Variants in PCDHA7 observed in about 807,000 individuals in gnomAD.
The protein encoded by PCDHA7 is protocadherin alpha-7.
Under a neutral mutation model 57.2 loss-of-function variants are expected in PCDHA7, and 37 were observed. The ratio of observed to expected loss-of-function variants is 0.65; its 90% CI spans 0.50 to 0.85. PCDHA7 has a LOEUF of 0.85. Ranked by LOEUF, PCDHA7 falls within the 40% of genes least tolerant of loss-of-function variation. The pLI is 0.00. For missense variants in PCDHA7, 1,188 were observed against 1,241.8 expected (o/e 0.96, Z 0.65); for synonymous variants, 553 against 558.8 (o/e 0.99, Z 0.15).
At chr5:140,849,920 C>A in intron 1 of PCDHA7, 1 of 1,598,384 alleles carries the variant, frequency 6.3e-7, no homozygotes, top group Non-Finnish European at 8.6e-7. Context: ...GCCACATCTT[C>A]ACGGTGTCTG....
At position 140,889,293 on chromosome 5, in the gene PCDHA7, T is replaced by C. The variant is rs1051889855; in HGVS notation, c.2355+52555T>C. 3.3e-5 allele frequency among the ~76,000 whole-genome samples: 5 copies of C among 152,196 alleles called. No individual in the cohort carries two copies. The South Asian group carries it at 6.2e-4, about 19-fold the overall frequency. The stretch of plus-strand genomic sequence containing the variant: ...ATCTTTGAATTACTTCTTATTTGAT[T>C]GGAGAACTCACTGTTGAAGTTATCT... On this transcript the variant is annotated intron_variant, in intron 1 of 3. Transcript: ENST00000525929.
Position 140,849,995 on chromosome 5 carries a change from C to T in PCDHA7, c.2355+13257C>T, listed in dbSNP as rs2150462177. The T allele has an allele frequency of 2.5e-6, 4 of 1,597,088 alleles. 1 individual carries two copies. The highest frequency in any genetic ancestry group is 1.7e-6 in the Non-Finnish European group (2 of 1,167,812). ...ACTCGCTGGTGGAGCGGCGGTTGGG[C>T]GAGCGCTCGCTGTCGAGCTACGTGT... On this transcript the variant is annotated intron_variant, in intron 1 of 3. Transcript: ENST00000525929.
At chr5:140,876,117 C>T in intron 1 of PCDHA7, 1 of 1,613,922 alleles carries the variant, frequency 6.2e-7, no homozygotes, top group Non-Finnish European at 8.5e-7. Flanking sequence ...TGATGGTAAT[C>T]GATGGCGGTA....
rs2150244448 is a variant in PCDHA7 at position 140,835,773 on chromosome 5, G to T, written c.1390G>T (p.Val464Leu). Residue 464 changes from valine to leucine, a missense_variant, in exon 1 of 4, where the codon GTG (valine) becomes TTG (leucine). By Grantham distance (32) the Val-to-Leu change is conservative. Transcript: ENST00000525929. ...AFAQPEYTVF[V>L]KENNPPGCHI... ...CGCGCAGCCCGAGTATACGGTGTTC[G>T]TGAAGGAGAACAACCCGCCGGGCTG... 8 of 1,613,392 alleles carry T rather than the reference G, an allele frequency of 5.0e-6. No homozygotes were observed. The highest frequency in any genetic ancestry group is 6.8e-6 in the Non-Finnish European group (8 of 1,179,796).
chr5:140,980,598 C>G (rs574589264), intron 2 of PCDHA7, among the ~76,000 whole-genome samples: 1 of 152,152 alleles, frequency 6.6e-6, no homozygotes, highest in South Asian at 2.1e-4. Flanking sequence ...CCACTGCACT[C>G]CAGCCTGGCG....
At chr5:140,969,529 T>G in intron 1 of PCDHA7, 7 of 1,377,800 alleles carry the variant, frequency 5.1e-6, no homozygotes, top group Non-Finnish European at 6.8e-6. Flanking sequence ...GTTTTATTTT[T>G]CATTTTCAGA....
chr5:140,882,169 C>A, intron 1 of PCDHA7: 1 of 1,511,484 alleles, frequency 6.6e-7, no homozygotes, highest in Non-Finnish European at 8.8e-7. Flanking sequence ...TCTTGCGAAT[C>A]CTTCCGCACT....
At chr5:140,962,428 C>G (rs1359949802) in intron 1 of PCDHA7, among the ~76,000 whole-genome samples, 1 of 152,136 alleles carries the variant, frequency 6.6e-6, no homozygotes, top group Non-Finnish European at 1.5e-5. Flanking sequence ...TTTATTGTTA[C>G]TTATCCAAAG....
intron 2 of PCDHA7, among the ~76,000 whole-genome samples, chr5:140,981,892 G>A (rs1245605619): frequency 2.0e-5 from 3 of 152,122 alleles, no homozygotes; most frequent in Non-Finnish European, 2.9e-5. Flanking sequence ...TCTTCTGAGC[G>A]GGGATCTGTG....
chr5:140,911,693 CAAAT>C, intron 1 of PCDHA7, among the ~76,000 whole-genome samples: 1 of 152,156 alleles, frequency 6.6e-6, no homozygotes, highest in East Asian at 1.9e-4. Flanking sequence ...TCAGGAGTGT[CAAAT>C]GAATTTATTT....
intron 1 of PCDHA7, among the ~76,000 whole-genome samples, chr5:140,886,431 ATTTG>A (rs1272820447): frequency 6.6e-6 from 1 of 152,012 alleles, no homozygotes; most frequent in East Asian, 1.9e-4. Context: ...ATTTCTATTC[ATTTG>A]TTTGTACTAA....
chr5:140,836,646 C>A lies in PCDHA7; in HGVS notation c.2263C>A (p.Arg755=), dbSNP rs1554136175. 7 of 1,613,258 alleles carry A rather than the reference C, an allele frequency of 4.3e-6. No homozygotes were observed. The highest frequency in any genetic ancestry group is 3.3e-5 in the Admixed American group (2 of 59,972). Residue 755 remains arginine, a synonymous_variant, in exon 1 of 4, where the codon CGG becomes AGG. Coordinates refer to ENST00000525929, the MANE Select transcript of PCDHA7 (RefSeq NM_018910.3). ...GAGCTGGTCATTCTCCCAGCAGAGG[C>A]GGCAGAGGGTGTGCTCTGGGGAGGG... ...VGSWSFSQQR[R]QRVCSGEGPP...
chr5:140,948,016 C>CTTTTT (rs72028473), intron 1 of PCDHA7, among the ~76,000 whole-genome samples: 13 of 30,044 alleles, frequency 4.3e-4, no homozygotes, highest in Non-Finnish European at 6.9e-4. Context: ...AGGAAGTACC[C>CTTTTT]TTTCTGGTTT....
At chr5:140,968,808 T>C in intron 1 of PCDHA7, 1 of 1,614,204 alleles carries the variant, frequency 6.2e-7, no homozygotes, top group South Asian at 1.1e-5. Context: ...GTAGCTGTGG[T>C]GGATAGGGTT....
chr5:140,842,093 G>A lies in PCDHA7; in HGVS notation c.2355+5355G>A, dbSNP rs145495287. On this transcript the variant is annotated intron_variant, in intron 1 of 3. Coordinates refer to ENST00000525929, the MANE Select transcript of PCDHA7 (RefSeq NM_018910.3). ...AAGAATATTCGAAAACGCAGACAAC[G>A]GAACAACAGTTATCAAACTGAATGC... The A allele has an allele frequency of 1.2e-5, 20 of 1,613,732 alleles. No homozygotes were observed. In the African/African-American group the frequency reaches 2.4e-4, roughly 19 times the overall value.
rs782169362 is a variant in PCDHA7, at chr5:140,979,015, T to G, written c.2414+8T>G. Reference sequence around the variant, plus strand: ...GAGAGCAGGCATGCACAGGTATGTATTTCCCTCCTCATTCACTCAGAAGTA... The same window carrying G: ...GAGAGCAGGCATGCACAGGTATGTAGTTCCCTCCTCATTCACTCAGAAGTA... On this transcript the variant is annotated splice_region_variant and intron_variant, in intron 2 of 3. Transcript: ENST00000525929. 3 of 1,613,920 alleles carry G rather than the reference T, an allele frequency of 1.9e-6. No individual in the cohort carries two copies. The highest frequency in any genetic ancestry group is 2.5e-6 in the Non-Finnish European group (3 of 1,179,908).
chr5:140,912,500 T>C (rs1554195386), intron 1 of PCDHA7, among the ~76,000 whole-genome samples: 1 of 152,204 alleles, frequency 6.6e-6, no homozygotes, highest in Non-Finnish European at 1.5e-5. Flanking sequence ...TAGGAGCTTT[T>C]TGGATGAATC....
At chr5:140,899,201 G>T (rs1400966236) in intron 1 of PCDHA7, among the ~76,000 whole-genome samples, 5 of 151,818 alleles carry the variant, frequency 3.3e-5, no homozygotes, top group Admixed American at 6.6e-5. Context: ...CTGCCTAATT[G>T]CCCTGGCCAG....
chr5:140,870,167 C>G, intron 1 of PCDHA7: 1 of 1,614,134 alleles, frequency 6.2e-7, no homozygotes, highest in Non-Finnish European at 8.5e-7. Flanking sequence ...ACTTCCTTGT[C>G]CCTCCCAGTA....
Sources: gnomAD v4.1 joint callset for allele counts (sites outside exome capture counted in the v4.1 genomes callset) on GRCh38, gnomAD v4.1.1 for gene constraint, MANE v1.5 for transcripts, NCBI Gene and HGNC (gene_info 2026-07-23, HGNC 2026-07-21) for gene names.